The following DLGAP4 variants were observed in gnomAD, a reference collection of about 807,000 sequenced individuals.
DLGAP4 encodes the protein disks large-associated protein 4.
Under a neutral mutation model 86.9 loss-of-function variants are expected in DLGAP4, and 18 were observed. That is an observed-to-expected ratio of 0.21 (90% confidence interval 0.14 to 0.31). DLGAP4 has a LOEUF of 0.31. DLGAP4 is among the 10% of genes least tolerant of loss of function. The probability of loss-of-function intolerance (pLI) is 1.00; values close to 1 mark genes in which losing one functional copy is unlikely to be tolerated. For missense variants in DLGAP4, 1,085 were observed against 1,362.6 expected, an observed-to-expected ratio of 0.80 and a Z score of 3.21; for synonymous variants, 548 against 574.3, an observed-to-expected ratio of 0.95 and a Z score of 0.65.
Position 36,527,261 on chromosome 20 carries a change from G to A in DLGAP4, c.*230G>A, listed in dbSNP as rs2037827588. ...AAAATCAACAAAAATCACGAAACTA[G>A]AAAACTTTTTTTTTCCTCTTGCTGG... is the stretch of plus-strand genomic sequence containing the variant. On this transcript the variant is annotated 3_prime_UTR_variant, in exon 13 of 13. Transcript: ENST00000339266. The A allele has an allele frequency of 4.4e-6, 2 of 455,536 alleles. No homozygotes were observed. Among genetic ancestry groups the A allele is most frequent in the South Asian group, 4.6e-5 (1 of 21,878 alleles). 28.2% of individuals were successfully genotyped at this position (455,536 alleles called of 1,614,324 possible).
chr20:36,483,791 C>G (rs2035292771), intron 7 of DLGAP4, among the ~76,000 whole-genome samples: 1 of 152,216 alleles, frequency 6.6e-6, no homozygotes, highest in South Asian at 2.1e-4. Context: ...GCATGGGCAC[C>G]TTAGCCATGT....
intron 2 of DLGAP4, among the ~76,000 whole-genome samples, chr20:36,425,455 G>A (rs1156428381): frequency 3.3e-5 from 5 of 152,166 alleles, no homozygotes; most frequent in Admixed American, 2.0e-4. Context: ...TGGGAAAACT[G>A]GAACCCCTGT....
intron 7 of DLGAP4, among the ~76,000 whole-genome samples, chr20:36,452,664 C>A (rs2033768295): frequency 6.6e-6 from 1 of 151,812 alleles, no homozygotes; most frequent in South Asian, 2.1e-4. Flanking sequence ...CATATGCCAC[C>A]ACACCCAGCT....
chr20:36,490,444 T>C (rs1383093517), intron 7 of DLGAP4, among the ~76,000 whole-genome samples: 2 of 152,172 alleles, frequency 1.3e-5, no homozygotes, highest in Non-Finnish European at 2.9e-5. Flanking sequence ...GTTTGACAAG[T>C]TACTTGCTGG....
At chr20:36,458,069 T>C (rs1254721632) in intron 7 of DLGAP4, among the ~76,000 whole-genome samples, 2 of 151,376 alleles carry the variant, frequency 1.3e-5, no homozygotes, top group East Asian at 1.9e-4. Flanking sequence ...GAGAGAGCCA[T>C]GGTAAGAGGT....
chr20:36,374,744 C>T (rs1287037946), intron 2 of DLGAP4, among the ~76,000 whole-genome samples: 1 of 152,226 alleles, frequency 6.6e-6, no homozygotes, highest in Non-Finnish European at 1.5e-5. Flanking sequence ...GATGCCCAGC[C>T]ACTGCTTGCA....
At chr20:36,429,407 T>C (rs1340016274) in intron 2 of DLGAP4, among the ~76,000 whole-genome samples, 2,237 of 142,234 alleles carry the variant, frequency 0.016, 70 homozygotes, top group African/African-American at 0.055. Context: ...TCTTTTTTTT[T>C]TTTTTTTTTT....
chr20:36,339,817 C>G (rs934382895), intron 1 of DLGAP4, among the ~76,000 whole-genome samples: 1 of 152,192 alleles, frequency 6.6e-6, no homozygotes, highest in Admixed American at 6.5e-5. Flanking sequence ...AGAGGCAGAG[C>G]CAGTGCTGGC....
intron 7 of DLGAP4, chr20:36,461,687 C>G (rs1443576957): frequency 8.5e-6 from 2 of 235,066 alleles, no homozygotes; most frequent in Non-Finnish European, 1.2e-5. Context: ...GGCCCTGCCC[C>G]GCCCCCGCCC....
chr20:36,323,433 G>GT (rs1555890780), intron 1 of DLGAP4, among the ~76,000 whole-genome samples: 1 of 152,104 alleles, frequency 6.6e-6, no homozygotes, highest in Non-Finnish European at 1.5e-5. Context: ...GTGTGTATTG[G>GT]TAAGTTTTCT....
rs1415387714 is a variant in DLGAP4 at position 36,393,921 on chromosome 20, C to T, written c.-73+26646C>T. 6.6e-6 allele frequency among the ~76,000 whole-genome samples: 1 copy of T among 152,134 alleles called. No homozygotes were observed. Among genetic ancestry groups the T allele is most frequent in the Non-Finnish European group, 1.5e-5 (1 of 67,992 alleles). ...CTCAGGGACTCATCCCTCGCCTGCC[C>T]ACAGAATGCGCCCCAGGCCCTGCTG... On this transcript the variant is annotated intron_variant, in intron 2 of 12. Coordinates refer to ENST00000339266, the MANE Select transcript of DLGAP4 (RefSeq NM_001365621.2). The surrounding 1 kb of genome is among the most constrained non-coding windows in gnomAD (Gnocchi z 4.4).
chr20:36,409,094 G>A (rs2032411085), intron 2 of DLGAP4, among the ~76,000 whole-genome samples: 1 of 140,960 alleles, frequency 7.1e-6, no homozygotes, highest in Non-Finnish European at 1.5e-5. Flanking sequence ...GGAGTGTGGT[G>A]GCGCCATCTT....
chr20:36,348,832 G>A (rs901167628), intron 1 of DLGAP4, among the ~76,000 whole-genome samples: 2 of 151,838 alleles, frequency 1.3e-5, no homozygotes, highest in Admixed American at 1.3e-4. Flanking sequence ...CAGGCGTGGT[G>A]GCTTATGCCT....
intron 8 of DLGAP4, chr20:36,499,303 T>C: frequency 7.4e-6 from 12 of 1,613,950 alleles, no homozygotes; most frequent in Non-Finnish European, 9.3e-6. Flanking sequence ...GCGATCGATG[T>C]GATGGCACCC....
intron 1 of DLGAP4, among the ~76,000 whole-genome samples, chr20:36,319,669 G>A (rs918163800): frequency 2.2e-4 from 34 of 152,170 alleles, no homozygotes; most frequent in Admixed American, 1.8e-3. Context: ...CCTCAGGGGT[G>A]GAGCGGGGAC....
At chr20:36,461,409 G>GGGGGCGGGGA (rs1400134771) in intron 7 of DLGAP4, 3 of 965,938 alleles carry the variant, frequency 3.1e-6, no homozygotes, top group African/African-American at 1.8e-5. Flanking sequence ...GGCTGACGCG[G>GGGGGCGGGGA]GGGGCGGGGA....
chr20:36,360,291 G>A (rs1438186654), intron 1 of DLGAP4, among the ~76,000 whole-genome samples: 1 of 152,156 alleles, frequency 6.6e-6, no homozygotes, highest in Non-Finnish European at 1.5e-5. Context: ...TCAATGCTGG[G>A]ATAAAGTCCA....
chr20:36,330,650 G>T (rs2147357760), intron 1 of DLGAP4, among the ~76,000 whole-genome samples: 1 of 149,716 alleles, frequency 6.7e-6, no homozygotes, highest in African/African-American at 2.5e-5. Context: ...TCGGCTCACT[G>T]CAACCTATGC....
At chr20:36,511,276 C>T (rs995612612) in intron 10 of DLGAP4, among the ~76,000 whole-genome samples, 1 of 152,162 alleles carries the variant, frequency 6.6e-6, no homozygotes, top group Non-Finnish European at 1.5e-5. Context: ...GATCTTGGCT[C>T]ATTACAGCCT....
Sources: gnomAD v4.1 joint callset for allele counts (sites outside exome capture counted in the v4.1 genomes callset) on GRCh38, gnomAD v4.1.1 for gene constraint, Gnocchi (gnomAD v3.1) non-coding constraint, MANE v1.5 for transcripts, NCBI Gene and HGNC (gene_info 2026-07-23, HGNC 2026-07-21) for gene names.